The following RIMS2 variants were observed in gnomAD, a reference collection of about 807,000 sequenced individuals.
The protein encoded by RIMS2 is regulating synaptic membrane exocytosis protein 2.
RIMS2 carries 59 observed loss-of-function variants against 174.4 expected under a neutral mutation model. The ratio of observed to expected loss-of-function variants is 0.34; its 90% CI spans 0.27 to 0.42. The LOEUF is 0.42. RIMS2 is among the 10% of genes least tolerant of loss of function. The pLI, the probability that RIMS2 is intolerant of heterozygous loss-of-function variation, is 1.00. For synonymous variants in RIMS2, 606 were observed against 572.5 expected, an observed-to-expected ratio of 1.06 and a Z score of -0.84; for missense variants, 1,620 against 1,666.3, an observed-to-expected ratio of 0.97 and a Z score of 0.48.
intron 3 of RIMS2, among the ~76,000 whole-genome samples, chr8:103,770,583 A>C (rs545652134): frequency 3.1e-4 from 47 of 152,248 alleles, no homozygotes; most frequent in African/African-American, 1.0e-3. Flanking sequence ...TCTCAAAAAA[A>C]AACCCTGCAA....
chr8:103,664,353 GGAGAA>G (rs1410520850), intron 1 of RIMS2, among the ~76,000 whole-genome samples: 1 of 151,994 alleles, frequency 6.6e-6, no homozygotes, highest in Non-Finnish European at 1.5e-5. Flanking sequence ...GTACAGAATG[GGAGAA>G]AACCTTTGCA....
chr8:103,652,699 G>T (rs1394125401), intron 1 of RIMS2: 3 of 1,348,574 alleles, frequency 2.2e-6, no homozygotes, highest in African/African-American at 3.0e-5. Context: ...AAAATGAAAA[G>T]GAGCCCCAGA....
intron 19 of RIMS2, among the ~76,000 whole-genome samples, chr8:104,218,061 A>G (rs2099138753): frequency 6.6e-6 from 1 of 152,208 alleles, no homozygotes; most frequent in Non-Finnish European, 1.5e-5. Flanking sequence ...TGTGAAAACT[A>G]ATATCGTATC....
chr8:104,180,683 C>T (rs1043697751), intron 19 of RIMS2, among the ~76,000 whole-genome samples: 2 of 151,640 alleles, frequency 1.3e-5, no homozygotes, highest in Non-Finnish European at 3.0e-5. Context: ...ATCTATGACT[C>T]ATTGCTTTTT....
Position 103,515,745 on chromosome 8 carries a change from G to A in RIMS2, c.176+14683G>A, listed in dbSNP as rs547025487. ...TTATAGAACTTTTCTACTTGTCATCGCAAATTTATACAATATTTCTATAAT... is the reference window on the plus strand; with the variant it reads ...TTATAGAACTTTTCTACTTGTCATCACAAATTTATACAATATTTCTATAAT... On this transcript the variant is annotated intron_variant, in intron 1 of 23. Transcript: ENST00000504942. Among the ~76,000 whole-genome samples, 5 of 151,894 alleles carry A rather than the reference G, an allele frequency of 3.3e-5. No individual in the cohort carries two copies. In the East Asian group the frequency reaches 7.7e-4, roughly 23 times the overall value.
At chr8:103,812,904 T>C (rs1228642185) in intron 3 of RIMS2, among the ~76,000 whole-genome samples, 6 of 152,198 alleles carry the variant, frequency 3.9e-5, no homozygotes, top group Admixed American at 6.5e-5. Flanking sequence ...TTATAGCCTT[T>C]AGATTTTTAT....
intron 1 of RIMS2, among the ~76,000 whole-genome samples, chr8:103,538,376 G>C (rs542630415): frequency 5.3e-5 from 8 of 151,810 alleles, no homozygotes; most frequent in Non-Finnish European, 1.0e-4. Context: ...GGCGGTATTT[G>C]GTTACATGAG....
chr8:103,918,322 T>A, intron 8 of RIMS2, 119 bp from the exon 12 acceptor site: 1 of 574,888 alleles, frequency 1.7e-6, no homozygotes, highest in South Asian at 3.1e-5. Flanking sequence ...ATGCCACTAT[T>A]ATACACAGTT....
At chr8:104,050,721 G>A (rs1166997245) in intron 19 of RIMS2, among the ~76,000 whole-genome samples, 6 of 152,086 alleles carry the variant, frequency 3.9e-5, no homozygotes, top group East Asian at 3.9e-4. Flanking sequence ...AGCACTGGAC[G>A]GTAGTTATGA....
At chr8:103,984,087 T>C (rs2094154770) in intron 16 of RIMS2, among the ~76,000 whole-genome samples, 1 of 151,600 alleles carries the variant, frequency 6.6e-6, no homozygotes, top group African/African-American at 2.4e-5. Flanking sequence ...GGCAGGAGAA[T>C]GGCGTGAACC....
chr8:103,606,889 G>C (rs962188480), intron 1 of RIMS2, among the ~76,000 whole-genome samples: 4 of 151,514 alleles, frequency 2.6e-5, no homozygotes, highest in Non-Finnish European at 4.4e-5. Flanking sequence ...TTGAGCCTAT[G>C]TGTGTCTCTG....
Position 104,075,637 on chromosome 8 carries a change from A to G in RIMS2, c.3334+61022A>G, listed in dbSNP as rs1337321954. Among the ~76,000 whole-genome samples, 5 of 152,174 alleles carry G rather than the reference A, an allele frequency of 3.3e-5. No individual in the cohort carries two copies. In the South Asian group the frequency reaches 6.2e-4, roughly 19 times the overall value. Reference sequence around the variant, plus strand: ...TTATTTTACTTTTTCATATTTTCCTATTATTTTATTTATTTCTTCATGCCT... The same window carrying G: ...TTATTTTACTTTTTCATATTTTCCTGTTATTTTATTTATTTCTTCATGCCT... On this transcript the variant is annotated intron_variant, in intron 19 of 23. Transcript: ENST00000504942.
chr8:104,223,681 C>A (rs770042620), intron 19 of RIMS2: 6 of 1,590,678 alleles, frequency 3.8e-6, no homozygotes, highest in Non-Finnish European at 5.1e-6. Context: ...GGGGTGCCAG[C>A]GCTGCGGGGC....
At chr8:103,922,212 A>T (rs2077809888) in intron 10 of RIMS2, among the ~76,000 whole-genome samples, 1 of 151,992 alleles carries the variant, frequency 6.6e-6, no homozygotes. Context: ...GTGTCAGCTC[A>T]TAGTAATCAT....
chr8:103,838,493 A>T (rs1356521952), intron 3 of RIMS2, among the ~76,000 whole-genome samples: 1 of 152,006 alleles, frequency 6.6e-6, no homozygotes, highest in Non-Finnish European at 1.5e-5. Context: ...AGCATAATTT[A>T]TTTTCCATAT....
At chr8:104,089,452 G>T (rs1467598384) in intron 19 of RIMS2, among the ~76,000 whole-genome samples, 3 of 151,636 alleles carry the variant, frequency 2.0e-5, no homozygotes, top group Admixed American at 6.6e-5. Flanking sequence ...ATTTCTGGGG[G>T]TGGGGGTTGA....
At chr8:104,006,797 A>C (rs1044651514) in intron 17 of RIMS2, among the ~76,000 whole-genome samples, 13 of 150,946 alleles carry the variant, frequency 8.6e-5, no homozygotes, top group African/African-American at 3.2e-4. Context: ...CTTTACTGAT[A>C]ATATATATAT....
In RIMS2 at chr8:103,885,603, G is replaced by A. The variant is rs773044369; in HGVS notation, c.1004G>A (p.Ser335Asn). 4 of 1,613,060 alleles carry A rather than the reference G, an allele frequency of 2.5e-6. No homozygotes were observed. The South Asian group carries it at 3.3e-5, about 13-fold the overall frequency. The change falls in exon 4 of 24, where the codon AGT (serine) becomes AAT (asparagine). Residue 335 changes from serine to asparagine, a missense_variant. Physicochemically the swap from Ser to Asn is conservative, Grantham distance 46. Transcript: ENST00000504942. ...GAAGAGTACCAGTCACGCTACCGAA[G>A]TGATCCGAATTTGGCCCGTTATCCA...
At chr8:103,559,964 C>T (rs924301019) in intron 1 of RIMS2, among the ~76,000 whole-genome samples, 3 of 152,190 alleles carry the variant, frequency 2.0e-5, no homozygotes, top group Non-Finnish European at 4.4e-5. Flanking sequence ...AGGAGAGGAG[C>T]TCTGAGGCTA....
Sources: allele counts gnomAD v4.1 joint callset (sites outside exome capture counted in the v4.1 genomes callset), GRCh38; gene constraint gnomAD v4.1.1; transcripts MANE v1.5; gene names NCBI Gene and HGNC (gene_info 2026-07-23, HGNC 2026-07-21).